Variants in ADAMTS3 observed in about 807,000 individuals in gnomAD.
ADAMTS3 encodes ADAM metallopeptidase with thrombospondin type 1 motif 3.
A neutral mutation model predicts 129.0 loss-of-function variants in ADAMTS3; 73 were observed. The ratio of observed to expected loss-of-function variants is 0.57; its 90% CI spans 0.47 to 0.69. The LOEUF (loss-of-function observed/expected upper bound fraction) is 0.69, where lower values mean the gene tolerates loss of function less well. ADAMTS3 is among the 30% of genes least tolerant of loss of function. ADAMTS3 has a pLI of 0.00. For synonymous variants in ADAMTS3, 477 were observed against 510.8 expected, an observed-to-expected ratio of 0.93 and a Z score of 0.89; for missense variants, 1,457 against 1,514.5, an observed-to-expected ratio of 0.96 and a Z score of 0.63.
At chr4:72,313,183 G>A (rs1311525606) in intron 12 of ADAMTS3, among the ~76,000 whole-genome samples, 5 of 152,124 alleles carry the variant, frequency 3.3e-5, no homozygotes, top group Non-Finnish European at 7.4e-5. Flanking sequence ...CACACAATAG[G>A]GAATTCAGTA....
intron 3 of ADAMTS3, among the ~76,000 whole-genome samples, chr4:72,447,528 T>C (rs978041885): frequency 1.3e-5 from 2 of 151,806 alleles, no homozygotes; most frequent in African/African-American, 2.4e-5. Flanking sequence ...ATTTTCTCCA[T>C]AATGCCACAT....
At chr4:72,562,441 T>C (rs1481432354) in intron 2 of ADAMTS3, among the ~76,000 whole-genome samples, 1 of 152,212 alleles carries the variant, frequency 6.6e-6, no homozygotes, top group African/African-American at 2.4e-5. Context: ...CAACATTCAC[T>C]ATCATGGGAA....
chr4:72,481,888 A>G (rs1719446383), intron 3 of ADAMTS3, among the ~76,000 whole-genome samples: 1 of 152,148 alleles, frequency 6.6e-6, no homozygotes, highest in Admixed American at 6.5e-5. Context: ...TAGAGAATAC[A>G]TAAATGGAAA....
chr4:72,488,926 T>C (rs1719661356), intron 3 of ADAMTS3, among the ~76,000 whole-genome samples: 1 of 151,922 alleles, frequency 6.6e-6, no homozygotes, highest in African/African-American at 2.4e-5. Flanking sequence ...TTGACCACTA[T>C]CTCCCCATTT....
chr4:72,321,830 C>A (rs1719563399), intron 6 of ADAMTS3, among the ~76,000 whole-genome samples: 1 of 152,012 alleles, frequency 6.6e-6, no homozygotes, highest in Non-Finnish European at 1.5e-5. Context: ...GGGGTGGACT[C>A]TTCCAGTTCT....
Position 72,482,825 on chromosome 4 carries a change from G to A in ADAMTS3, c.504+65653C>T, listed in dbSNP as rs1254251529. On this transcript the variant is annotated intron_variant, in intron 3 of 21. Coordinates refer to ENST00000286657, the MANE Select transcript of ADAMTS3 (RefSeq NM_014243.3). Reference sequence around the variant, plus strand: ...GATAATACAGATTCCACTGCTGTGGGGACCACAATGTAAGTAATAAGTCAT... The same window carrying A: ...GATAATACAGATTCCACTGCTGTGGAGACCACAATGTAAGTAATAAGTCAT... Among the ~76,000 whole-genome samples the A allele has an allele frequency of 2.6e-5, 4 of 152,038 alleles. No individual in the cohort carries two copies. The East Asian group carries it at 7.7e-4, about 29-fold the overall frequency.
intron 4 of ADAMTS3, among the ~76,000 whole-genome samples, chr4:72,368,631 G>T (rs889022459): frequency 1.9e-4 from 29 of 152,172 alleles, no homozygotes; most frequent in African/African-American, 6.8e-4. Context: ...CTGACATGCA[G>T]CTGATTAGAG....
At chr4:72,531,918 T>C (rs1240023517) in intron 3 of ADAMTS3, among the ~76,000 whole-genome samples, 6 of 152,040 alleles carry the variant, frequency 3.9e-5, no homozygotes, top group Admixed American at 2.0e-4. Flanking sequence ...AAAGAACACA[T>C]AGCTTCCAAG....
At chr4:72,406,179 T>A (rs1471584800) in intron 4 of ADAMTS3, among the ~76,000 whole-genome samples, 1 of 151,962 alleles carries the variant, frequency 6.6e-6, no homozygotes. Flanking sequence ...TAACTCAGGG[T>A]GGTTTGCTGT....
chr4:72,541,474 T>C (rs1368664520), intron 3 of ADAMTS3, among the ~76,000 whole-genome samples: 2 of 152,206 alleles, frequency 1.3e-5, no homozygotes, highest in East Asian at 3.9e-4. Flanking sequence ...TGGGGAACTG[T>C]TGGGAAGGCA....
intron 4 of ADAMTS3, 101 bp from the exon 5 acceptor site, chr4:72,339,794 T>C (rs1415589202): frequency 1.1e-6 from 1 of 902,730 alleles, no homozygotes; most frequent in East Asian, 2.4e-5. Flanking sequence ...ATCAGTATCA[T>C]TCATAATCAC....
At chr4:72,559,971 G>A (rs1721862267) in intron 2 of ADAMTS3, among the ~76,000 whole-genome samples, 1 of 151,778 alleles carries the variant, frequency 6.6e-6, no homozygotes, top group South Asian at 2.1e-4. Context: ...AACCCAAACA[G>A]CCTGGTACTG....
chr4:72,418,580 A>T (rs954725673), intron 3 of ADAMTS3, among the ~76,000 whole-genome samples: 1 of 152,174 alleles, frequency 6.6e-6, no homozygotes, highest in Non-Finnish European at 1.5e-5. Flanking sequence ...CACATGGGAA[A>T]TTTTTATGAG....
chr4:72,308,674 T>C (rs1719151414), intron 15 of ADAMTS3, among the ~76,000 whole-genome samples: 1 of 151,990 alleles, frequency 6.6e-6, no homozygotes. Flanking sequence ...AATGTCTGTA[T>C]ACAAATCTTT....
intron 17 of ADAMTS3, among the ~76,000 whole-genome samples, chr4:72,300,148 A>T (rs925140306): frequency 6.6e-6 from 1 of 152,070 alleles, no homozygotes; most frequent in Admixed American, 6.6e-5. Flanking sequence ...ATCAAGCACC[A>T]TTCGAACAAC....
chr4:72,504,355 T>C (rs1384728480), intron 3 of ADAMTS3, among the ~76,000 whole-genome samples: 2 of 152,232 alleles, frequency 1.3e-5, no homozygotes, highest in Admixed American at 6.5e-5. Flanking sequence ...TATGAAATTC[T>C]TGATTGGACT....
chr4:72,399,682 T>C (rs1223920697), intron 4 of ADAMTS3, among the ~76,000 whole-genome samples: 4 of 151,086 alleles, frequency 2.6e-5, no homozygotes, highest in African/African-American at 9.8e-5. Flanking sequence ...CAAGAAGTTA[T>C]ATATATGTGT....
At chr4:72,416,264 T>C (rs189269082) in intron 3 of ADAMTS3, among the ~76,000 whole-genome samples, 276 of 151,186 alleles carry the variant, frequency 1.8e-3, no homozygotes, top group African/African-American at 6.3e-3. Context: ...TCTGTCACAC[T>C]CAAATCTGTC....
At chr4:72,530,036 A>AATATATTATATATATATATAATATGTT (rs1720948225) in intron 3 of ADAMTS3, among the ~76,000 whole-genome samples, 4 of 7,728 alleles carry the variant, frequency 5.2e-4, no homozygotes, top group Non-Finnish European at 9.7e-4. Flanking sequence ...ATATAAATAT[A>AATATATTATATATATATATAATATGTT]ATATATTATA....
Sources: allele counts gnomAD v4.1 joint callset (sites outside exome capture counted in the v4.1 genomes callset), GRCh38; gene constraint gnomAD v4.1.1; transcripts MANE v1.5; gene names NCBI Gene and HGNC (gene_info 2026-07-23, HGNC 2026-07-21).